The following LRIG1 variants were observed in gnomAD, a reference collection of about 807,000 sequenced individuals.
LRIG1 encodes leucine-rich repeats and immunoglobulin-like domains protein 1.
LRIG1 carries 48 observed loss-of-function variants against 99.2 expected under a neutral mutation model. The observed-to-expected ratio is 0.48, with a 90% CI of 0.38 to 0.62. LRIG1 has a LOEUF of 0.62. Ranked by LOEUF, LRIG1 falls within the 20% of genes least tolerant of loss-of-function variation. The pLI is 0.00. For synonymous variants in LRIG1, 772 were observed against 596.1 expected, an observed-to-expected ratio of 1.29 and a Z score of -4.30; for missense variants, 1,646 against 1,434.4, an observed-to-expected ratio of 1.15 and a Z score of -2.38.
Position 66,380,223 on chromosome 3 carries a change from C to T in LRIG1, c.*40G>A, listed in dbSNP as rs1413647455. On this transcript the variant is annotated 3_prime_UTR_variant, in exon 19 of 19. Coordinates refer to ENST00000273261, the MANE Select transcript of LRIG1 (RefSeq NM_015541.3). ...TCGCAGCCTCTCCTACCTCTCTTTC[C>T]CGTAGAGATTGGTATGACAAGAACT... is the stretch of plus-strand genomic sequence containing the variant. 1 of 1,541,950 alleles carries T rather than the reference C, an allele frequency of 6.5e-7. No homozygotes were observed. Among genetic ancestry groups the T allele is most frequent in the Non-Finnish European group, 8.8e-7 (1 of 1,130,172 alleles).
intron 14 of LRIG1, among the ~76,000 whole-genome samples, 160 bp downstream of exon 14, chr3:66,383,831 G>T (rs1340831617): frequency 6.6e-6 from 1 of 152,078 alleles, no homozygotes; most frequent in Non-Finnish European, 1.5e-5. Flanking sequence ...AGAAACACTT[G>T]TTTAAGAAAA....
chr3:66,414,792 T>G, intron 5 of LRIG1, 128 bp downstream of exon 5: 1 of 947,884 alleles, frequency 1.1e-6, no homozygotes, highest in Non-Finnish European at 1.5e-6. Context: ...CTGCCATTAA[T>G]GGTAATTTAT....
chr3:66,397,280 G>T (rs947087880), intron 11 of LRIG1, among the ~76,000 whole-genome samples: 4 of 152,154 alleles, frequency 2.6e-5, no homozygotes, highest in African/African-American at 9.7e-5. Flanking sequence ...CCAACTGAGG[G>T]TTCATCAAGA....
intron 3 of LRIG1, among the ~76,000 whole-genome samples, chr3:66,421,666 G>C (rs1237406011): frequency 6.6e-6 from 1 of 152,178 alleles, no homozygotes; most frequent in Non-Finnish European, 1.5e-5. Flanking sequence ...CTACCATTCT[G>C]GGGTCTAGAG....
In LRIG1 at chr3:66,412,735, C is replaced by T. The variant is rs1702509199; in HGVS notation, c.791+136G>A. On this transcript the variant is annotated intron_variant, in intron 6 of 18. Transcript: ENST00000273261. The stretch of plus-strand genomic sequence containing the variant: ...ACACACCCCACACCACACAGCAATG[C>T]TGGTGTGGGCGCACACACCCAACAC... 6.2e-6 allele frequency: 6 copies of T among 969,844 alleles called. No homozygotes were observed. In the East Asian group the frequency reaches 1.6e-4, roughly 25 times the overall value. 60.1% of individuals were successfully genotyped at this position (969,844 alleles called of 1,614,324 possible).
chr3:66,387,549 G>C (rs527450783), intron 12 of LRIG1: 18 of 152,286 alleles, frequency 1.2e-4, no homozygotes, highest in African/African-American at 4.3e-4. Context: ...TAGGCAAGCT[G>C]TAACAATAAA....
At chr3:66,408,945 T>TGC (rs1411729160) in intron 7 of LRIG1, among the ~76,000 whole-genome samples, 9 of 105,916 alleles carry the variant, frequency 8.5e-5, no homozygotes, top group African/African-American at 3.4e-4. Flanking sequence ...TGTGTGTGTG[T>TGC]GTGTGTGTGT....
intron 9 of LRIG1, chr3:66,401,638 C>T (rs774267974): frequency 4.6e-6 from 7 of 1,529,128 alleles, no homozygotes; most frequent in East Asian, 2.5e-5. Flanking sequence ...GGGGCTGGGA[C>T]GGGGAGCTGC....
chr3:66,456,572 TAAAA>T (rs35291779), intron 2 of LRIG1, among the ~76,000 whole-genome samples: 4 of 121,714 alleles, frequency 3.3e-5, no homozygotes, highest in African/African-American at 3.1e-5. Context: ...GATCCTGTCT[TAAAA>T]AAAAAAAAAA....
intron 1 of LRIG1, 145 bp from the exon 2 acceptor site, chr3:66,462,654 T>C (rs1700381148): frequency 4.6e-6 from 3 of 651,444 alleles, no homozygotes; most frequent in African/African-American, 3.6e-5. Flanking sequence ...GTATTGATAC[T>C]GAGATTTACA....
At chr3:66,477,017 T>A (rs1344323835) in intron 1 of LRIG1, among the ~76,000 whole-genome samples, 2 of 152,198 alleles carry the variant, frequency 1.3e-5, no homozygotes, top group African/African-American at 4.8e-5. Flanking sequence ...AATACGTCTG[T>A]TGAGTGAGAG....
chr3:66,380,574 T>TA lies in LRIG1; in HGVS notation c.3055+2dup, dbSNP rs765922810. 182 of 1,613,388 alleles carry TA rather than the reference T, an allele frequency of 1.1e-4. No homozygotes were observed. The highest frequency in any genetic ancestry group is 1.5e-4 in the Non-Finnish European group (172 of 1,179,476). On this transcript the variant is annotated splice_region_variant and intron_variant, in intron 18 of 18. Coordinates refer to ENST00000273261, the MANE Select transcript of LRIG1 (RefSeq NM_015541.3). ...CACCTGTTAGAAGACAGTCAAAAGT[T>TA]ACCTTTCCCATCTAGAGATGCCATT...
intron 11 of LRIG1, among the ~76,000 whole-genome samples, chr3:66,397,286 C>T (rs1440154857): frequency 6.6e-6 from 1 of 152,160 alleles, no homozygotes; most frequent in Non-Finnish European, 1.5e-5. Context: ...GAGGGTTCAT[C>T]AAGAGTGGCC....
intron 12 of LRIG1, among the ~76,000 whole-genome samples, chr3:66,390,603 A>G (rs183950486): frequency 6.6e-6 from 1 of 152,336 alleles, no homozygotes; most frequent in African/African-American, 2.4e-5. Context: ...AGAAATTGAC[A>G]AGCTGATCCA....
chr3:66,382,416 AAATAG>A lies in LRIG1; in HGVS notation c.2492-23_2492-19del. On this transcript the variant is annotated intron_variant, in intron 15 of 18. Transcript: ENST00000273261. ...GGTTTCATCTGCAAGGAGACAGAACAAATAGAACACCAGGGTCTCAGTGACAAGAA... is the reference window on the plus strand; with the variant it reads ...GGTTTCATCTGCAAGGAGACAGAACAAACACCAGGGTCTCAGTGACAAGAA... The A allele has an allele frequency of 6.2e-7, 1 of 1,614,142 alleles. No homozygotes were observed. The highest frequency in any genetic ancestry group is 8.5e-7 in the Non-Finnish European group (1 of 1,179,988).
At position 66,394,051 on chromosome 3, in the gene LRIG1, C is replaced by G. The variant is rs752953769; in HGVS notation, c.1457G>C (p.Ser486Thr). The G allele has an allele frequency of 6.2e-7, 1 of 1,614,112 alleles. No individual in the cohort carries two copies. Among genetic ancestry groups the G allele is most frequent in the Non-Finnish European group, 8.5e-7 (1 of 1,180,008 alleles). The change falls in exon 12 of 19, where the codon AGT becomes ACT. Residue 486 changes from serine to threonine, a missense_variant. By Grantham distance (58) the Ser-to-Thr change is moderately conservative. Coordinates refer to ENST00000273261, the MANE Select transcript of LRIG1 (RefSeq NM_015541.3). Reference sequence around the variant, plus strand: ...AAAGACAGTCTTACCGCACACGAAACTCTCTGGTGGCACAGAGAAAATGCT... The same window carrying G: ...AAAGACAGTCTTACCGCACACGAAAGTCTCTGGTGGCACAGAGAAAATGCT... ...GQSIFSVPPE[S>T]FVCDDFLKPQ...
At chr3:66,384,711 C>T (rs1316755538) in intron 13 of LRIG1, among the ~76,000 whole-genome samples, 1 of 151,654 alleles carries the variant, frequency 6.6e-6, no homozygotes, top group African/African-American at 2.4e-5. Context: ...GATGGGTGTT[C>T]ATGGGATGAA....
In LRIG1 at chr3:66,410,362, C is replaced by A; in HGVS notation, c.792-90G>T. 6 of 1,282,314 alleles carry A rather than the reference C, an allele frequency of 4.7e-6. No individual in the cohort carries two copies. In the South Asian group the frequency reaches 8.4e-5, roughly 18 times the overall value. The allele number at this position is 1,282,314 out of a possible 1,614,324, so 79.4% of individuals were successfully genotyped here. On this transcript the variant is annotated intron_variant, in intron 6 of 18. Transcript: ENST00000273261. Reference sequence around the variant, plus strand: ...ATGAGCAGCCACGCTGTACCTGACACTGCGGTCACACCAAGGCTAGAACAG... The same window carrying A: ...ATGAGCAGCCACGCTGTACCTGACAATGCGGTCACACCAAGGCTAGAACAG...
Position 66,382,314 on chromosome 3 carries a change from G to T in LRIG1, c.2576C>A (p.Thr859Asn), listed in dbSNP as rs779971005. Reference protein sequence around the residue: ...LSDRQETVVRTEGGPQANGHI... With the variant: ...LSDRQETVVRNEGGPQANGHI... ...CCCATTGGCCTGAGGGCCACCCTCG[G>T]TCCTGACCACGGTTTCTTGTCGGTC... The change falls in exon 16 of 19, where the codon ACC becomes AAC. Residue 859 changes from threonine (T) to asparagine (N), a missense_variant. By Grantham distance (65) the Thr-to-Asn change is moderately conservative. Transcript: ENST00000273261. 2 of 1,614,082 alleles carry T rather than the reference G, an allele frequency of 1.2e-6. No individual in the cohort carries two copies. The highest frequency in any genetic ancestry group is 1.7e-6 in the Non-Finnish European group (2 of 1,180,026).
Sources: allele counts gnomAD v4.1 joint callset (sites outside exome capture counted in the v4.1 genomes callset), GRCh38; gene constraint gnomAD v4.1.1; transcripts MANE v1.5; gene names NCBI Gene and HGNC (gene_info 2026-07-23, HGNC 2026-07-21).